The following MED30 variants were observed in gnomAD, a reference collection of about 807,000 sequenced individuals.
MED30 encodes mediator complex subunit 30.
MED30 carries 8 observed loss-of-function variants against 21.7 expected under a neutral mutation model. The ratio of observed to expected loss-of-function variants is 0.37; its 90% CI spans 0.22 to 0.67. The LOEUF (loss-of-function observed/expected upper bound fraction) is 0.67, where lower values mean the gene tolerates loss of function less well. Among genes scored for constraint, MED30 ranks in the 30% least tolerant of loss-of-function variants. The pLI, the probability that MED30 is intolerant of heterozygous loss-of-function variation, is 0.58. For missense variants in MED30, 203 were observed against 228.2 expected (o/e 0.89, Z 0.71); for synonymous variants, 79 against 86.7 (o/e 0.91, Z 0.49).
chr8:117,535,585 G>A (rs190349997), intron 3 of MED30, among the ~76,000 whole-genome samples: 75 of 151,854 alleles, frequency 4.9e-4, no homozygotes, highest in African/African-American at 1.7e-3. Context: ...TTCTCGTAGT[G>A]AAAACTGGCT....
At chr8:117,526,846 T>C (rs1182475154) in intron 1 of MED30, among the ~76,000 whole-genome samples, 1 of 151,982 alleles carries the variant, frequency 6.6e-6, no homozygotes, top group African/African-American at 2.4e-5. Context: ...ATTTGGGGAG[T>C]GTGATTCTTG....
chr8:117,526,324 A>G (rs1250667136), intron 1 of MED30, among the ~76,000 whole-genome samples: 1 of 152,036 alleles, frequency 6.6e-6, no homozygotes, highest in Non-Finnish European at 1.5e-5. Context: ...GTGCTTCCAG[A>G]ACAGTGTTCA....
chr8:117,528,339 T>C (rs1328259399), intron 1 of MED30, among the ~76,000 whole-genome samples: 1 of 151,918 alleles, frequency 6.6e-6, no homozygotes, highest in Non-Finnish European at 1.5e-5. Context: ...TATATAATAG[T>C]AATATTAAAA....
At position 117,528,882 on chromosome 8, in the gene MED30, C is replaced by T. The variant is rs182836350; in HGVS notation, c.336+73C>T. 64 of 1,201,630 alleles carry T rather than the reference C, an allele frequency of 5.3e-5. No homozygotes were observed. The African/African-American group carries it at 9.0e-4, about 17-fold the overall frequency. The allele number at this position is 1,201,630 out of a possible 1,614,324, so 74.4% of individuals were successfully genotyped here. A position where few individuals can be genotyped will look rare whatever the true frequency, so the allele number is the denominator to read the frequency against. The stretch of plus-strand genomic sequence containing the variant: ...GTCAAGACAGTTGTTAATCTTTTTC[C>T]TCTCTCTCCTGTTTTAGCAATATTT... On this transcript the variant is annotated intron_variant, in intron 2 of 3. Transcript: ENST00000297347.
In MED30 at chr8:117,520,749, T is replaced by G; in HGVS notation, c.-128T>G. On this transcript the variant is annotated 5_prime_UTR_variant, in exon 1 of 4. Transcript: ENST00000297347. Reference sequence around the variant, plus strand: ...CAGTGGGCGGAAGTCGCGGCCGCTGTTTTGAAATCGGGCCGCGGGGGGTCT... The same window carrying G: ...CAGTGGGCGGAAGTCGCGGCCGCTGGTTTGAAATCGGGCCGCGGGGGGTCT... 17 of 953,574 alleles carry G rather than the reference T, an allele frequency of 1.8e-5. No individual in the cohort carries two copies. The highest frequency in any genetic ancestry group is 2.9e-5 in the East Asian group (1 of 34,364). 59.1% of individuals were successfully genotyped at this position (953,574 alleles called of 1,614,324 possible). A position where few individuals can be genotyped will look rare whatever the true frequency, so the allele number is the denominator to read the frequency against.
intron 2 of MED30, among the ~76,000 whole-genome samples, chr8:117,529,598 T>G (rs16889836): frequency 0.15 from 23,234 of 151,652 alleles, 1,885 homozygotes; most frequent in Non-Finnish European, 0.18. Flanking sequence ...GGGTGAAGAT[T>G]AAACAGGAAA....
Position 117,524,099 on chromosome 8 carries a change from G to T in MED30, c.177+3046G>T, listed in dbSNP as rs144329215. 241 of 158,228 alleles carry T rather than the reference G, an allele frequency of 1.5e-3. 2 individuals carry two copies. Among genetic ancestry groups the T allele is most frequent in the Non-Finnish European group, 2.8e-3 (199 of 71,390 alleles). 9.8% of individuals were successfully genotyped at this position (158,228 alleles called of 1,614,324 possible). On this transcript the variant is annotated intron_variant, in intron 1 of 3. Transcript: ENST00000297347. Reference sequence around the variant, plus strand: ...GGTCTGGGACCCAAAGCCAGCTTTTGAGGGACTATGATAATTATATGTGTG... The same window carrying T: ...GGTCTGGGACCCAAAGCCAGCTTTTTAGGGACTATGATAATTATATGTGTG...
chr8:117,530,748 A>G lies in MED30; in HGVS notation c.362A>G (p.Asp121Gly), dbSNP rs1818781795. 1 of 1,612,014 alleles carries G rather than the reference A, an allele frequency of 6.2e-7. No homozygotes were observed. Among genetic ancestry groups the G allele is most frequent in the African/African-American group, 1.3e-5 (1 of 74,972 alleles). Residue 121 changes from aspartate (D) to glycine (G), a missense_variant, in exon 3 of 4, where the codon GAT becomes GGT. Physicochemically the swap from Asp to Gly is moderately conservative, Grantham distance 94. Coordinates refer to ENST00000297347, the MANE Select transcript of MED30 (RefSeq NM_080651.4). ...VEQLIPYVEEDGSKNDDRAGP... is the reference protein window; with the variant it reads ...VEQLIPYVEEGGSKNDDRAGP... ...CAACTTATTCCATATGTGGAAGAAG[A>G]TGGCTCAAAGAATGATGATCGGGCT...
intron 3 of MED30, among the ~76,000 whole-genome samples, chr8:117,533,924 C>T (rs1186283069): frequency 6.6e-6 from 1 of 152,228 alleles, no homozygotes; most frequent in African/African-American, 2.4e-5. Flanking sequence ...AGAAGGAATG[C>T]AGACACTTAA....
At chr8:117,534,725 G>C (rs1818842396) in intron 3 of MED30, among the ~76,000 whole-genome samples, 1 of 152,016 alleles carries the variant, frequency 6.6e-6, no homozygotes, top group Non-Finnish European at 1.5e-5. Flanking sequence ...TTTTGAGAAA[G>C]CACTGAAAGA....
intron 3 of MED30, among the ~76,000 whole-genome samples, chr8:117,539,229 C>A (rs1398962950): frequency 1.3e-5 from 2 of 152,182 alleles, no homozygotes; most frequent in Non-Finnish European, 2.9e-5. Flanking sequence ...TGTGATGGCT[C>A]ATGCCTGTAA....
rs557362960 is a variant in MED30, at chr8:117,525,356, T to C, written c.178-3295T>C. ...CCATTTGTCTGTCTTTTTTTTTTTT[T>C]CATCTTTTTTACCTACCTTAATTGT... On this transcript the variant is annotated intron_variant, in intron 1 of 3. Transcript: ENST00000297347. Among the ~76,000 whole-genome samples the C allele has an allele frequency of 9.6e-3, 1,456 of 151,352 alleles. 30 individuals carry two copies. The highest frequency in any genetic ancestry group is 0.034 in the African/African-American group (1,392 of 41,224).
chr8:117,540,135 CTT>C lies in MED30; in HGVS notation c.*163_*164del, dbSNP rs57267838. The C allele has an allele frequency of 5.1e-3, 2,179 of 427,646 alleles. 23 individuals carry two copies. Among genetic ancestry groups the C allele is most frequent in the Non-Finnish European group, 5.0e-3 (1,226 of 246,454 alleles). 26.5% of individuals were successfully genotyped at this position (427,646 alleles called of 1,614,324 possible). ...TGTGATTTTTACATTAAAATATTAA[CTT>C]TTTTTAATGCTATTTTATGAAAGAT... On this transcript the variant is annotated 3_prime_UTR_variant, in exon 4 of 4. Coordinates refer to ENST00000297347, the MANE Select transcript of MED30 (RefSeq NM_080651.4).
In MED30 at chr8:117,524,333, T is replaced by A. The variant is rs74852238; in HGVS notation, c.177+3280T>A. Among the ~76,000 whole-genome samples the A allele has an allele frequency of 2.6e-5, 4 of 152,376 alleles. No individual in the cohort carries two copies. In the East Asian group the frequency reaches 7.7e-4, roughly 29 times the overall value. On this transcript the variant is annotated intron_variant, in intron 1 of 3. Coordinates refer to ENST00000297347, the MANE Select transcript of MED30 (RefSeq NM_080651.4). ...AAAGTAATCGTCTGTATTATTGATC[T>A]ACGAGAGTAAAGTGCTGTGAATACA...
intron 1 of MED30, chr8:117,523,330 G>T: frequency 1.4e-6 from 2 of 1,448,652 alleles, no homozygotes; most frequent in Non-Finnish European, 1.9e-6. Flanking sequence ...TGTTGACCCA[G>T]CCCCAGTCTC....
chr8:117,535,395 ATTTT>A (rs1250434081), intron 3 of MED30, among the ~76,000 whole-genome samples: 1 of 151,602 alleles, frequency 6.6e-6, no homozygotes, highest in East Asian at 1.9e-4. Flanking sequence ...TGCCCGGCTA[ATTTT>A]TTTGTGTTTT....
At chr8:117,521,083 G>T (rs375761458) in intron 1 of MED30, 30 bp downstream of exon 1, 1 of 1,553,406 alleles carries the variant, frequency 6.4e-7, no homozygotes, top group South Asian at 1.2e-5. Flanking sequence ...AGGCCAGGGG[G>T]ATGCAGCTGG....
At chr8:117,521,585 C>T (rs780225227) in intron 1 of MED30, among the ~76,000 whole-genome samples, 7 of 152,122 alleles carry the variant, frequency 4.6e-5, no homozygotes, top group African/African-American at 1.4e-4. Flanking sequence ...TTCTTCATAC[C>T]CCTCTGACAT....
rs553114199 is a variant in MED30, at chr8:117,523,436, G to A, written c.177+2383G>A. 4.3e-5 allele frequency: 67 copies of A among 1,571,124 alleles called. No homozygotes were observed. The African/African-American group carries it at 8.4e-4, about 20-fold the overall frequency. On this transcript the variant is annotated intron_variant, in intron 1 of 3. Transcript: ENST00000297347. ...AGTCTTGCAGGTCGCTCACCCTCCA[G>A]ACCTTTAGGCTGAGGCCTGCCAGTC...
Sources: allele counts gnomAD v4.1 joint callset (sites outside exome capture counted in the v4.1 genomes callset), GRCh38; gene constraint gnomAD v4.1.1; transcripts MANE v1.5; gene names NCBI Gene and HGNC (gene_info 2026-07-23, HGNC 2026-07-21).